HDAC4: variants seen among roughly 807,000 people sequenced by gnomAD.
HDAC4 encodes the protein histone deacetylase A.
HDAC4 carries 16 observed loss-of-function variants against 135.1 expected under a neutral mutation model. The observed-to-expected ratio is 0.12, with a 90% CI of 0.08 to 0.18. HDAC4 has a LOEUF of 0.18. HDAC4 is among the 10% of genes least tolerant of loss of function. The pLI is 1.00. For synonymous variants in HDAC4, 685 were observed against 653.4 expected (o/e 1.05, Z -0.74); for missense variants, 1,143 against 1,511.8 (o/e 0.76, Z 4.05).
At chr2:239,255,866 C>T (rs1385383754) in intron 2 of HDAC4, among the ~76,000 whole-genome samples, 6 of 152,122 alleles carry the variant, frequency 3.9e-5, no homozygotes, top group African/African-American at 1.4e-4. Context: ...TCGGAGAGCC[C>T]GTCTTTGGAA....
chr2:239,362,428 A>G (rs1048892857), intron 1 of HDAC4, among the ~76,000 whole-genome samples: 18 of 152,354 alleles, frequency 1.2e-4, no homozygotes, highest in South Asian at 4.1e-4. Context: ...CCAAAGAGCA[A>G]AAGTCTTAGA....
chr2:239,061,019 T>C (rs1057060547), intron 24 of HDAC4, among the ~76,000 whole-genome samples: 1 of 152,216 alleles, frequency 6.6e-6, no homozygotes, highest in East Asian at 1.9e-4. Flanking sequence ...CAGGAAGGCT[T>C]TGGCAGCCCG....
Position 239,164,074 on chromosome 2 carries a change from C to G in HDAC4, c.491-151G>C. 6 of 889,852 alleles carry G rather than the reference C, an allele frequency of 6.7e-6. No individual in the cohort carries two copies. The South Asian group carries it at 8.2e-5, about 12-fold the overall frequency. The allele number at this position is 889,852 out of a possible 1,614,324, so 55.1% of individuals were successfully genotyped here. A position where few individuals can be genotyped will look rare whatever the true frequency, so the allele number is the denominator to read the frequency against. ...CCTCCTGAGCGCTTCCTCAAAGAAC[C>G]AAGGCCGGGAGGGGTTTTAATGAGA... On this transcript the variant is annotated intron_variant, in intron 5 of 26. Coordinates refer to ENST00000543185, the MANE Select transcript of HDAC4 (RefSeq NM_001378414.1).
At chr2:239,147,554 A>G (rs951421334) in intron 7 of HDAC4, among the ~76,000 whole-genome samples, 1 of 152,166 alleles carries the variant, frequency 6.6e-6, no homozygotes, top group Non-Finnish European at 1.5e-5. Flanking sequence ...CGGGCCTTCC[A>G]CTCATTCCAG....
chr2:239,164,856 G>A (rs1168086772), intron 5 of HDAC4, among the ~76,000 whole-genome samples: 1 of 152,172 alleles, frequency 6.6e-6, no homozygotes, highest in Non-Finnish European at 1.5e-5. Flanking sequence ...AGGACATCTT[G>A]GCAAAGTGAC....
At position 239,149,419 on chromosome 2, in the gene HDAC4, A is replaced by G. The variant is rs531071610; in HGVS notation, c.734-4705T>C. Among the ~76,000 whole-genome samples the G allele has an allele frequency of 4.6e-5, 7 of 152,272 alleles. No individual in the cohort carries two copies. In the South Asian group the frequency reaches 1.5e-3, roughly 32 times the overall value. ...AAATAAAAAGATAATTCTAAAAGACAAATGACAGACTGGAATCTAACTTCT... is the reference window on the plus strand; with the variant it reads ...AAATAAAAAGATAATTCTAAAAGACGAATGACAGACTGGAATCTAACTTCT... On this transcript the variant is annotated intron_variant, in intron 7 of 26. Transcript: ENST00000543185.
At chr2:239,358,274 A>ATAGT (rs1693640828) in intron 1 of HDAC4, among the ~76,000 whole-genome samples, 1 of 152,130 alleles carries the variant, frequency 6.6e-6, no homozygotes, top group Non-Finnish European at 1.5e-5. Flanking sequence ...GGACTCACAG[A>ATAGT]TAGTTACGTT....
chr2:239,228,475 T>G (rs1490983567), intron 3 of HDAC4, among the ~76,000 whole-genome samples: 1 of 152,070 alleles, frequency 6.6e-6, no homozygotes, highest in East Asian at 1.9e-4. Context: ...AAAGGTGGTG[T>G]TCTTGGCCCC....
At chr2:239,269,607 T>A (rs1354685803) in intron 2 of HDAC4, among the ~76,000 whole-genome samples, 1 of 152,194 alleles carries the variant, frequency 6.6e-6, no homozygotes, top group Non-Finnish European at 1.5e-5. Flanking sequence ...GGGTCCTTAT[T>A]CATGCCCCAG....
chr2:239,241,416 A>G (rs1241464972), intron 2 of HDAC4, among the ~76,000 whole-genome samples: 1 of 151,972 alleles, frequency 6.6e-6, no homozygotes, highest in Non-Finnish European at 1.5e-5. Flanking sequence ...TTACATGTTT[A>G]TTGGCTTTTT....
intron 2 of HDAC4, among the ~76,000 whole-genome samples, chr2:239,250,517 T>C (rs1332658214): frequency 7.0e-6 from 1 of 143,604 alleles, no homozygotes; most frequent in Non-Finnish European, 1.6e-5. Context: ...GGCTGGAGCC[T>C]CCAGCAGCTT....
intron 2 of HDAC4, among the ~76,000 whole-genome samples, chr2:239,254,464 A>G (rs1334688576): frequency 6.6e-6 from 1 of 152,172 alleles, no homozygotes; most frequent in Non-Finnish European, 1.5e-5. Context: ...TCATGAAGGA[A>G]AAAAACCTGG....
At chr2:239,300,731 ACCCGAACTCCCCT>A (rs1328167666) in intron 2 of HDAC4, among the ~76,000 whole-genome samples, 1 of 152,156 alleles carries the variant, frequency 6.6e-6, no homozygotes, top group African/African-American at 2.4e-5. Flanking sequence ...CTGTAAAAAC[ACCCGAACTCCCCT>A]CTCCGGTTCT....
chr2:239,281,488 TACAATGTACACACCATGCTACAATGA>T, intron 2 of HDAC4, among the ~76,000 whole-genome samples: 1 of 132,148 alleles, frequency 7.6e-6, no homozygotes, highest in South Asian at 2.5e-4. Context: ...CACACCACTC[TACAATGTACACACCATGCTACAATGA>T]ACACACCACT....
intron 24 of HDAC4, among the ~76,000 whole-genome samples, chr2:239,064,164 G>A (rs1335857699): frequency 2.0e-5 from 3 of 152,284 alleles, no homozygotes; most frequent in Non-Finnish European, 4.4e-5. Context: ...AGCTCCCCTT[G>A]CTGTGCCGGG....
chr2:239,132,176 G>A (rs1390421859), intron 11 of HDAC4, among the ~76,000 whole-genome samples: 2 of 152,212 alleles, frequency 1.3e-5, no homozygotes, highest in East Asian at 3.9e-4. Flanking sequence ...GCACATGAGT[G>A]CACAGCCCAC....
rs1343998557 is a variant in HDAC4 at position 239,313,361 on chromosome 2, C to T, written c.22+39317G>A. 2.0e-5 allele frequency among the ~76,000 whole-genome samples: 3 copies of T among 152,176 alleles called. No individual in the cohort carries two copies. Among genetic ancestry groups the T allele is most frequent in the African/African-American group, 7.2e-5 (3 of 41,450 alleles). ...GGGCTTTGAGGAGAAACCCAAGGGACACTCACTTGCTGGAAACGGCCTCCT... is the reference window on the plus strand; with the variant it reads ...GGGCTTTGAGGAGAAACCCAAGGGATACTCACTTGCTGGAAACGGCCTCCT... On this transcript the variant is annotated intron_variant, in intron 2 of 26. Coordinates refer to ENST00000543185, the MANE Select transcript of HDAC4 (RefSeq NM_001378414.1). The surrounding 1 kb of genome is among the most constrained non-coding windows in gnomAD (Gnocchi z 5.1).
chr2:239,144,758 G>A, intron 7 of HDAC4, 44 bp from the exon 8 acceptor site: 3 of 1,606,858 alleles, frequency 1.9e-6, no homozygotes, highest in South Asian at 1.1e-5. Context: ...AGACACCACT[G>A]GCTCAAGGTT....
At chr2:239,162,313 C>T (rs759068337) in intron 6 of HDAC4, 1 of 456,644 alleles carries the variant, frequency 2.2e-6, no homozygotes, top group South Asian at 1.5e-5. Flanking sequence ...TCCAGCTCTC[C>T]ATCCTCCGCC....
Sources: gnomAD v4.1 joint callset for allele counts (sites outside exome capture counted in the v4.1 genomes callset) on GRCh38, gnomAD v4.1.1 for gene constraint, Gnocchi (gnomAD v3.1) non-coding constraint, MANE v1.5 for transcripts, NCBI Gene and HGNC (gene_info 2026-07-23, HGNC 2026-07-21) for gene names.